Variants in PTPRT observed in about 807,000 individuals in gnomAD.
PTPRT encodes protein tyrosine phosphatase receptor type T, also known as receptor-type tyrosine-protein phosphatase T.
Under a neutral mutation model 176.8 loss-of-function variants are expected in PTPRT, and 56 were observed. That is an observed-to-expected ratio of 0.32 (90% CI 0.26 to 0.40). The LOEUF (loss-of-function observed/expected upper bound fraction) is 0.40. Ranked by LOEUF, PTPRT falls within the 10% of genes least tolerant of loss-of-function variation. The pLI, the probability that PTPRT is intolerant of heterozygous loss-of-function variation, is 1.00. For missense variants in PTPRT, 1,540 were observed against 1,908.2 expected, an observed-to-expected ratio of 0.81 and a Z score of 3.60; for synonymous variants, 783 against 739.0, an observed-to-expected ratio of 1.06 and a Z score of -0.96.
intron 1 of PTPRT, among the ~76,000 whole-genome samples, chr20:43,101,471 G>C (rs951669583): frequency 1.3e-5 from 2 of 152,026 alleles, no homozygotes; most frequent in Non-Finnish European, 2.9e-5. Flanking sequence ...CTCCTAAACT[G>C]TACAATGAGG....
intron 16 of PTPRT, among the ~76,000 whole-genome samples, chr20:42,198,297 T>C (rs905688279): frequency 3.9e-5 from 6 of 152,242 alleles, no homozygotes; most frequent in Admixed American, 3.9e-4. Context: ...GTCTACATTA[T>C]AGAAGGGGAT....
At chr20:42,430,247 A>G (rs1013794634) in intron 9 of PTPRT, among the ~76,000 whole-genome samples, 1 of 152,200 alleles carries the variant, frequency 6.6e-6, no homozygotes, top group Non-Finnish European at 1.5e-5. Flanking sequence ...ACGTAGCAAG[A>G]GCATGGTTCA....
At chr20:42,072,607 G>A (rs6093565), downstream of PTPRT, 54,519 of 174,060 alleles carry the variant, frequency 0.31, 8,841 homozygotes, top group Non-Finnish European at 0.36. Flanking sequence ...CAACTTTTTC[G>A]TCTGCAAAGA....
chr20:42,542,148 C>G (rs1002544162), intron 7 of PTPRT, among the ~76,000 whole-genome samples: 7 of 151,888 alleles, frequency 4.6e-5, no homozygotes, highest in African/African-American at 1.7e-4. Flanking sequence ...GTGAGGTCTC[C>G]CAAGCCATGT....
intron 11 of PTPRT, among the ~76,000 whole-genome samples, chr20:42,326,777 T>C (rs2057888753): frequency 1.3e-5 from 2 of 152,146 alleles, no homozygotes; most frequent in Non-Finnish European, 2.9e-5. Context: ...GCATCATATA[T>C]TGTAAAAATG....
chr20:42,222,172 T>A (rs2055901422), intron 15 of PTPRT, among the ~76,000 whole-genome samples: 2 of 152,312 alleles, frequency 1.3e-5, no homozygotes, highest in Admixed American at 1.3e-4. Context: ...CAATTCATGA[T>A]GAGAACACAG....
chr20:42,321,936 A>G (rs546246973), intron 11 of PTPRT, among the ~76,000 whole-genome samples: 5 of 152,158 alleles, frequency 3.3e-5, no homozygotes, highest in African/African-American at 9.7e-5. Context: ...AGCCAGGCGC[A>G]GTGGTGGGCG....
intron 16 of PTPRT, among the ~76,000 whole-genome samples, chr20:42,167,199 A>G (rs1989866957): frequency 6.6e-6 from 1 of 152,222 alleles, no homozygotes; most frequent in African/African-American, 2.4e-5. Flanking sequence ...GAATTTGTGC[A>G]TAATGTCATA....
chr20:42,683,630 T>C (rs1600602230), intron 6 of PTPRT, among the ~76,000 whole-genome samples: 1 of 152,240 alleles, frequency 6.6e-6, no homozygotes, highest in Non-Finnish European at 1.5e-5. Context: ...AACTGCTTCA[T>C]GACGACTTAC....
At chr20:42,180,143 G>T (rs966679223) in intron 16 of PTPRT, among the ~76,000 whole-genome samples, 3 of 152,114 alleles carry the variant, frequency 2.0e-5, no homozygotes, top group Non-Finnish European at 4.4e-5. Context: ...ACTATTTTTT[G>T]GAAGCACCAT....
At chr20:42,521,875 C>T (rs1470891987) in intron 7 of PTPRT, among the ~76,000 whole-genome samples, 1 of 151,952 alleles carries the variant, frequency 6.6e-6, no homozygotes, top group South Asian at 2.1e-4. Flanking sequence ...ATGACTTAGT[C>T]GTTTTTCCTG....
chr20:42,504,311 A>G (rs1311764783), intron 7 of PTPRT, among the ~76,000 whole-genome samples: 6 of 152,096 alleles, frequency 3.9e-5, no homozygotes. Context: ...CATTTGTTCA[A>G]TGAATGAATG....
At chr20:42,441,846 TAC>T (rs2059319005) in intron 9 of PTPRT, among the ~76,000 whole-genome samples, 1 of 152,264 alleles carries the variant, frequency 6.6e-6, no homozygotes, top group Non-Finnish European at 1.5e-5. Context: ...GCTCGAGTTA[TAC>T]TCAATAGCGG....
chr20:42,054,232 T>C, the PTPRT span, among the ~76,000 whole-genome samples: 1 of 152,194 alleles, frequency 6.6e-6, no homozygotes, highest in Non-Finnish European at 1.5e-5. Flanking sequence ...CCAGAGTATC[T>C]TCTCACATTC....
At chr20:42,435,159 T>C (rs1391888434) in intron 9 of PTPRT, among the ~76,000 whole-genome samples, 1 of 152,206 alleles carries the variant, frequency 6.6e-6, no homozygotes, top group African/African-American at 2.4e-5. Context: ...TGTGTGTATT[T>C]ATATGCACAT....
chr20:43,005,893 T>C (rs1984832598), intron 1 of PTPRT, among the ~76,000 whole-genome samples: 1 of 152,182 alleles, frequency 6.6e-6, no homozygotes, highest in Non-Finnish European at 1.5e-5. Context: ...AACATTCTTC[T>C]AACAGCAAAA....
chr20:42,788,501 G>C (rs934466394), intron 3 of PTPRT, among the ~76,000 whole-genome samples: 1 of 152,174 alleles, frequency 6.6e-6, no homozygotes, highest in African/African-American at 2.4e-5. Flanking sequence ...AAGGAGATGA[G>C]GCTGGGGGAA....
chr20:42,349,322 C>T (rs2058242551), intron 11 of PTPRT, among the ~76,000 whole-genome samples: 1 of 152,198 alleles, frequency 6.6e-6, no homozygotes, highest in Non-Finnish European at 1.5e-5. Flanking sequence ...CCTGTTATAG[C>T]ATGCTGTCTC....
chr20:43,102,184 C>G (rs2012414963), intron 1 of PTPRT, among the ~76,000 whole-genome samples: 2 of 151,948 alleles, frequency 1.3e-5, no homozygotes, highest in Admixed American at 6.6e-5. Context: ...AGGGGGCATA[C>G]ATTCAGACCA....
Sources: allele counts gnomAD v4.1 joint callset (sites outside exome capture counted in the v4.1 genomes callset), GRCh38; gene constraint gnomAD v4.1.1; transcripts MANE v1.5; gene names NCBI Gene and HGNC (gene_info 2026-07-23, HGNC 2026-07-21).